FSIP2: variants seen among roughly 807,000 people sequenced by gnomAD.
FSIP2 encodes fibrous sheath-interacting protein 2.
A neutral mutation model predicts 510.5 loss-of-function variants in FSIP2; 367 were observed. The ratio of observed to expected loss-of-function variants is 0.72; its 90% CI spans 0.66 to 0.78. The LOEUF (loss-of-function observed/expected upper bound fraction) is 0.78, where lower values mean the gene tolerates loss of function less well. Among genes scored for constraint, FSIP2 ranks in the 30% least tolerant of loss-of-function variants. The pLI, the probability that FSIP2 is intolerant of heterozygous loss-of-function variation, is 0.00. For missense variants in FSIP2, 7,594 were observed against 7,901.7 expected (o/e 0.96, Z 1.48); for synonymous variants, 2,601 against 2,732.2 (o/e 0.95, Z 1.50).
chr2:185,794,658 C>A lies in FSIP2; in HGVS notation c.7522C>A (p.Leu2508Ile). ...VREVTGHLPP[L>I]NETANFISNS... ...GGAAGTCACAGGCCATTTGCCTCCACTTAATGAAACTGCCAACTTTATATC... is the reference window on the plus strand; with the variant it reads ...GGAAGTCACAGGCCATTTGCCTCCAATTAATGAAACTGCCAACTTTATATC... The change falls in exon 16 of 23, where the codon CTT (leucine) becomes ATT (isoleucine). Residue 2508 changes from leucine (L) to isoleucine (I), a missense_variant. Physicochemically the swap from Leu to Ile is conservative, Grantham distance 5 (BLOSUM62 2). Coordinates refer to ENST00000424728, the MANE Select transcript of FSIP2 (RefSeq NM_173651.4). The A allele has an allele frequency of 6.5e-7, 1 of 1,532,868 alleles. No homozygotes were observed. The highest frequency in any genetic ancestry group is 8.7e-7 in the Non-Finnish European group (1 of 1,145,290). 95.0% of individuals were successfully genotyped at this position (1,532,868 alleles called of 1,614,324 possible). A position where few individuals can be genotyped will look rare whatever the true frequency, so the allele number is the denominator to read the frequency against.
In FSIP2 at chr2:185,788,635, C is replaced by CT; in HGVS notation, c.1507-5dup. 6.8e-7 allele frequency: 1 copy of CT among 1,476,334 alleles called. No homozygotes were observed. The highest frequency in any genetic ancestry group is 8.9e-7 in the Non-Finnish European group (1 of 1,120,320). The allele number at this position is 1,476,334 out of a possible 1,614,324, so 91.5% of individuals were successfully genotyped here. On this transcript the variant is annotated splice_region_variant and splice_polypyrimidine_tract_variant and intron_variant, in intron 15 of 22. Coordinates refer to ENST00000424728, the MANE Select transcript of FSIP2 (RefSeq NM_173651.4). ...CTTTATTTTCATCTCTGCTTACCTCCTTTCCAGGTAACTTCTGAAGAACTG... is the reference window on the plus strand; with the variant it reads ...CTTTATTTTCATCTCTGCTTACCTCCTTTTCCAGGTAACTTCTGAAGAACTG...
rs1311265330 is a variant in FSIP2 at position 185,793,225 on chromosome 2, A to G, written c.6089A>G (p.Asp2030Gly). 3 of 1,533,930 alleles carry G rather than the reference A, an allele frequency of 2.0e-6. No individual in the cohort carries two copies. Among genetic ancestry groups the G allele is most frequent in the South Asian group, 2.4e-5 (2 of 83,890 alleles). Residue 2030 changes from aspartate to glycine, a missense_variant, in exon 16 of 23, where the codon GAC becomes GGC. Transcript: ENST00000424728. ...KERENPFLTH[D>G]IGISESIASQ... ...AGGGAAAATCCTTTTTTAACTCATG[A>G]CATTGGGATTTCTGAAAGTATTGCA...
chr2:185,818,614 G>C (rs1015241976), intron 19 of FSIP2, among the ~76,000 whole-genome samples: 3 of 151,776 alleles, frequency 2.0e-5, no homozygotes, highest in African/African-American at 7.2e-5. Context: ...AATATTATTA[G>C]TGATTTTCTC....
Position 185,797,055 on chromosome 2 carries a change from A to C in FSIP2, c.9919A>C (p.Asn3307His). ...GENLRVFHYE[N>H]LKPVVEPNQI... ...AAATCTAAGAGTGTTTCATTATGAGAACCTAAAACCAGTTGTTGAACCAAA... is the reference window on the plus strand; with the variant it reads ...AAATCTAAGAGTGTTTCATTATGAGCACCTAAAACCAGTTGTTGAACCAAA... Residue 3307 changes from asparagine (N) to histidine (H), a missense_variant, in exon 16 of 23, where the codon AAC (asparagine) becomes CAC (histidine). Asn to His is a moderately conservative substitution (Grantham distance 68). Coordinates refer to ENST00000424728, the MANE Select transcript of FSIP2 (RefSeq NM_173651.4). The C allele has an allele frequency of 6.5e-7, 1 of 1,535,256 alleles. No individual in the cohort carries two copies. The highest frequency in any genetic ancestry group is 8.7e-7 in the Non-Finnish European group (1 of 1,146,330).
rs1277810590 is a variant in FSIP2 at position 185,808,882 on chromosome 2, G to C, written c.19576G>C (p.Gly6526Arg). The C allele has an allele frequency of 1.2e-6, 2 of 1,606,308 alleles. No homozygotes were observed. The highest frequency in any genetic ancestry group is 2.7e-5 in the African/African-American group (2 of 74,272). The change falls in exon 17 of 23, where the codon GGA (glycine) becomes CGA (arginine). Residue 6526 changes from glycine (G) to arginine (R), a missense_variant. Coordinates refer to ENST00000424728, the MANE Select transcript of FSIP2 (RefSeq NM_173651.4). ...ESPIKIVPHV[G>R]KKPVKIDPKI... The stretch of plus-strand genomic sequence containing the variant: ...TCCAATTAAAATAGTTCCACATGTT[G>C]GAAAAAAACCAGTCAAAATAGATCC...
At chr2:185,811,575 C>G (rs1040981118) in intron 17 of FSIP2, among the ~76,000 whole-genome samples, 1 of 151,376 alleles carries the variant, frequency 6.6e-6, no homozygotes, top group Non-Finnish European at 1.5e-5. Flanking sequence ...GGATGTAAAA[C>G]TACCAGTTCT....
rs1173143426 is a variant in FSIP2 at position 185,799,729 on chromosome 2, T to C, written c.10423T>C (p.Trp3475Arg). The C allele has an allele frequency of 7.0e-7, 1 of 1,432,778 alleles. No homozygotes were observed. The highest frequency in any genetic ancestry group is 9.2e-7 in the Non-Finnish European group (1 of 1,081,966). The allele number at this position is 1,432,778 out of a possible 1,614,324, so 88.8% of individuals were successfully genotyped here. The change falls in exon 17 of 23, where the codon TGG becomes CGG. Residue 3475 changes from tryptophan (W) to arginine (R), a missense_variant. Trp to Arg is a moderately radical substitution (Grantham distance 101). Coordinates refer to ENST00000424728, the MANE Select transcript of FSIP2 (RefSeq NM_173651.4). Reference protein sequence around the residue: ...FSEEKMSVSTWSRKKYESKQF... With the variant: ...FSEEKMSVSTRSRKKYESKQF... ...TGAGGAAAAGATGTCTGTTTCTACA[T>C]GGTCAAGGAAAAAATATGAATCAAA...
upstream of FSIP2, among the ~76,000 whole-genome samples, chr2:185,737,459 C>CAAAA (rs1691806082): frequency 6.6e-6 from 1 of 151,886 alleles, no homozygotes; most frequent in Non-Finnish European, 1.5e-5. Flanking sequence ...ATGGTGCAAA[C>CAAAA]AAACAAACAA....
chr2:185,743,116 T>C lies in FSIP2; in HGVS notation c.226-17T>C. On this transcript the variant is annotated splice_polypyrimidine_tract_variant and intron_variant, in intron 2 of 22. Coordinates refer to ENST00000424728, the MANE Select transcript of FSIP2 (RefSeq NM_173651.4). ...AAAATGCATTAATTTTACATATTTT[T>C]GAATCTGTGTTTGCAGCTTTTTCGA... The C allele has an allele frequency of 7.0e-7, 1 of 1,420,076 alleles. No individual in the cohort carries two copies. 88.0% of individuals were successfully genotyped at this position (1,420,076 alleles called of 1,614,324 possible).
Position 185,807,271 on chromosome 2 carries a change from A to T in FSIP2, c.17965A>T (p.Lys5989Ter). 6.2e-7 allele frequency: 1 copy of T among 1,612,758 alleles called. No individual in the cohort carries two copies. The highest frequency in any genetic ancestry group is 8.5e-7 in the Non-Finnish European group (1 of 1,179,226). ...TAAGGATGTTGTTAAAAAGGTCCAA[A>T]AGTTGGCCCAAACAGCCAGCAAAGA... ...ESKDVVKKVQ[K>*]LAQTASKECQ... Residue 5989 changes from lysine to a stop codon, truncating the protein, a stop_gained, in exon 17 of 23, where the codon AAG (lysine) becomes TAG (stop). Transcript: ENST00000424728. LOFTEE classifies it high-confidence loss of function.
chr2:185,794,959 T>A lies in FSIP2; in HGVS notation c.7823T>A (p.Val2608Asp). The A allele has an allele frequency of 1.3e-6, 2 of 1,533,676 alleles. No individual in the cohort carries two copies. The highest frequency in any genetic ancestry group is 1.7e-6 in the Non-Finnish European group (2 of 1,145,242). ...GCGATATCACAGGCTTATTCTTATG[T>A]CGACAGTCAAAATATCTCTGTGATG... The part of the protein sequence containing the change: ...RYAISQAYSY[V>D]DSQNISVMEN... Residue 2608 changes from valine to aspartate, a missense_variant, in exon 16 of 23, where the codon GTC becomes GAC. Val to Asp is a radical substitution (Grantham distance 152). Coordinates refer to ENST00000424728, the MANE Select transcript of FSIP2 (RefSeq NM_173651.4).
intron 7 of FSIP2, among the ~76,000 whole-genome samples, chr2:185,750,113 TGTA>T (rs1362251945): frequency 6.6e-6 from 1 of 151,762 alleles, no homozygotes; most frequent in Admixed American, 6.6e-5. Context: ...TAGTGCAAAA[TGTA>T]GTTTTCTTGC....
At position 185,800,905 on chromosome 2, in the gene FSIP2, C is replaced by G. The variant is rs947772702; in HGVS notation, c.11599C>G (p.Pro3867Ala). 1 of 1,532,914 alleles carries G rather than the reference C, an allele frequency of 6.5e-7. No homozygotes were observed. The highest frequency in any genetic ancestry group is 8.7e-7 in the Non-Finnish European group (1 of 1,145,166). 95.0% of individuals were successfully genotyped at this position (1,532,914 alleles called of 1,614,324 possible). A position where few individuals can be genotyped will look rare whatever the true frequency, so the allele number is the denominator to read the frequency against. ...CATACAACAAGCTCCGGAAAGTCTACCTTTTGCAAATAAGCATTTGAACTA... is the reference window on the plus strand; with the variant it reads ...CATACAACAAGCTCCGGAAAGTCTAGCTTTTGCAAATAAGCATTTGAACTA... ...HSIQQAPESL[P>A]FANKHLNYRT... Residue 3867 changes from proline to alanine, a missense_variant, in exon 17 of 23, where the codon CCT becomes GCT. Coordinates refer to ENST00000424728, the MANE Select transcript of FSIP2 (RefSeq NM_173651.4).
intron 12 of FSIP2, 53 bp downstream of exon 12, chr2:185,763,342 C>A: frequency 1.3e-6 from 1 of 762,740 alleles, no homozygotes; most frequent in Non-Finnish European, 2.3e-6. Context: ...GGGATATGAT[C>A]TTATGGTCAT....
rs757222492 is a variant in FSIP2 at position 185,797,522 on chromosome 2, T to G, written c.10386T>G (p.Thr3462=). The part of the protein sequence containing the change: ...SVVTYLKNFE[T]TVFSEEKMSV... Reference sequence around the variant, plus strand: ...TCACATATTTGAAGAACTTTGAAACTACAGGTAAGCAAGAGAGAACGTACC... The same window carrying G: ...TCACATATTTGAAGAACTTTGAAACGACAGGTAAGCAAGAGAGAACGTACC... The change falls in exon 16 of 23, where the codon ACT becomes ACG. Residue 3462 remains threonine (T), a synonymous_variant. Coordinates refer to ENST00000424728, the MANE Select transcript of FSIP2 (RefSeq NM_173651.4). 2 of 1,494,770 alleles carry G rather than the reference T, an allele frequency of 1.3e-6. No individual in the cohort carries two copies. Among genetic ancestry groups the G allele is most frequent in the Non-Finnish European group, 1.8e-6 (2 of 1,133,750 alleles). 92.6% of individuals were successfully genotyped at this position (1,494,770 alleles called of 1,614,324 possible).
intron 22 of FSIP2, 61 bp downstream of exon 22, chr2:185,831,943 T>G (rs1355834423): frequency 2.1e-6 from 2 of 972,702 alleles, no homozygotes; most frequent in East Asian, 5.0e-5. Context: ...TCATTTTGAA[T>G]TTAGAATTTT....
intron 6 of FSIP2, 96 bp from the exon 7 acceptor site, chr2:185,747,217 C>A (rs1019565214): frequency 4.3e-5 from 29 of 675,492 alleles, no homozygotes; most frequent in Non-Finnish European, 7.2e-5. Flanking sequence ...TTCTGTTAGG[C>A]CCTGACTTGT....
At position 185,789,083 on chromosome 2, in the gene FSIP2, T is replaced by G; in HGVS notation, c.1947T>G (p.Leu649=). The G allele has an allele frequency of 6.5e-7, 1 of 1,534,986 alleles. No homozygotes were observed. The highest frequency in any genetic ancestry group is 8.7e-7 in the Non-Finnish European group (1 of 1,145,946). Reference sequence around the variant, plus strand: ...GAAGTTGTAAATCAGATAGTCACCTTTTAGCATCATTTGAAACAGGCACAA... The same window carrying G: ...GAAGTTGTAAATCAGATAGTCACCTGTTAGCATCATTTGAAACAGGCACAA... ...KLRSCKSDSH[L]LASFETGTKK... is the part of the protein sequence containing the mutation. The change falls in exon 16 of 23, where the codon CTT becomes CTG. Residue 649 remains leucine (L), a synonymous_variant. Transcript: ENST00000424728.
intron 14 of FSIP2, 56 bp downstream of exon 14, chr2:185,782,818 G>C: frequency 2.2e-6 from 2 of 896,978 alleles, no homozygotes; most frequent in Middle Eastern, 3.1e-4. Flanking sequence ...TTACATAAGA[G>C]TGCTGCTCAT....
Sources: allele counts gnomAD v4.1 joint callset (sites outside exome capture counted in the v4.1 genomes callset), GRCh38; gene constraint gnomAD v4.1.1; transcripts MANE v1.5; gene names NCBI Gene and HGNC (gene_info 2026-07-23, HGNC 2026-07-21).